The following SYT1 variants were observed in gnomAD, a reference collection of about 807,000 sequenced individuals.
The protein encoded by SYT1 is synaptotagmin 1, also known as synaptotagmin-1.
SYT1 carries 8 observed loss-of-function variants against 44.8 expected under a neutral mutation model. That is an observed-to-expected ratio of 0.18 (90% CI 0.10 to 0.32). The LOEUF (loss-of-function observed/expected upper bound fraction) is 0.32, where lower values mean the gene tolerates loss of function less well. Among genes scored for constraint, SYT1 ranks in the 10% least tolerant of loss-of-function variants. The probability of loss-of-function intolerance (pLI) is 1.00; values close to 1 mark genes in which losing one functional copy is unlikely to be tolerated. For synonymous variants in SYT1, 154 were observed against 188.8 expected (o/e 0.82, Z 1.51); for missense variants, 286 against 509.3 (o/e 0.56, Z 4.22).
At chr12:79,207,152 T>C (rs1388024033) in intron 3 of SYT1, among the ~76,000 whole-genome samples, 1 of 152,166 alleles carries the variant, frequency 6.6e-6, no homozygotes, top group Non-Finnish European at 1.5e-5. Flanking sequence ...TACACATTCC[T>C]CCTCAAATTT....
At chr12:79,315,480 C>G (rs1881036581) in intron 8 of SYT1, among the ~76,000 whole-genome samples, 1 of 152,150 alleles carries the variant, frequency 6.6e-6, no homozygotes, top group African/African-American at 2.4e-5. Flanking sequence ...GCCTCATAAC[C>G]TGTGGATCAC....
chr12:79,191,344 A>G (rs1050688294), intron 3 of SYT1, among the ~76,000 whole-genome samples: 2 of 152,042 alleles, frequency 1.3e-5, no homozygotes, highest in African/African-American at 4.8e-5. Flanking sequence ...TTTCCTCATT[A>G]AGTTTAACTT....
intron 2 of SYT1, among the ~76,000 whole-genome samples, chr12:79,017,507 T>A (rs12322843): frequency 0.038 from 5,856 of 152,158 alleles, 137 homozygotes; most frequent in Middle Eastern, 0.079. Flanking sequence ...TTTCAAAGTA[T>A]TTTATTTACC....
intron 3 of SYT1, among the ~76,000 whole-genome samples, chr12:79,063,202 T>C (rs1875517442): frequency 6.6e-6 from 1 of 152,212 alleles, no homozygotes; most frequent in Admixed American, 6.5e-5. Context: ...TGCTGAAATA[T>C]GACCCTTTGT....
chr12:78,892,364 T>C (rs1044209960), intron 1 of SYT1, among the ~76,000 whole-genome samples: 8 of 151,892 alleles, frequency 5.3e-5, no homozygotes, highest in Non-Finnish European at 1.0e-4. Context: ...ACTCAGAAAT[T>C]AGCTTAGTCA....
At chr12:79,172,687 A>G (rs1251984775) in intron 3 of SYT1, among the ~76,000 whole-genome samples, 5 of 151,724 alleles carry the variant, frequency 3.3e-5, no homozygotes, top group African/African-American at 7.3e-5. Flanking sequence ...AGATTTGTCA[A>G]TTTTCTAGTG....
chr12:79,432,387 C>A (rs1043611683), intron 9 of SYT1, among the ~76,000 whole-genome samples: 4 of 151,740 alleles, frequency 2.6e-5, no homozygotes, highest in Non-Finnish European at 5.9e-5. Flanking sequence ...CAAGAGGCCC[C>A]GGTGTGTGAT....
intron 3 of SYT1, among the ~76,000 whole-genome samples, chr12:79,205,711 T>C (rs546298674): frequency 3.3e-5 from 5 of 152,316 alleles, no homozygotes; most frequent in African/African-American, 1.2e-4. Flanking sequence ...ATTCTTTTAT[T>C]CTCAATAATA....
At chr12:79,366,639 C>G (rs1378712766) in intron 9 of SYT1, among the ~76,000 whole-genome samples, 1 of 152,178 alleles carries the variant, frequency 6.6e-6, no homozygotes, top group African/African-American at 2.4e-5. Flanking sequence ...AGCAACTGGC[C>G]CTGGAAAGCC....
At chr12:79,401,808 T>C (rs907826085) in intron 9 of SYT1, among the ~76,000 whole-genome samples, 2 of 151,960 alleles carry the variant, frequency 1.3e-5, no homozygotes, top group African/African-American at 4.8e-5. Flanking sequence ...TAGCTAGGAC[T>C]ACAGGCAGGA....
At chr12:78,969,203 G>A (rs376128474) in intron 1 of SYT1, among the ~76,000 whole-genome samples, 1 of 152,116 alleles carries the variant, frequency 6.6e-6, no homozygotes, top group Non-Finnish European at 1.5e-5. Context: ...GAAGATGTAC[G>A]TAGGTTATAT....
chr12:78,876,988 G>C (rs111825737), intron 1 of SYT1, among the ~76,000 whole-genome samples: 1,564 of 90,190 alleles, frequency 0.017, 24 homozygotes, highest in African/African-American at 0.061. Flanking sequence ...TCTAGTAAAT[G>C]CCAGTTTTTC....
chr12:79,000,404 C>T (rs1870663506), intron 2 of SYT1, among the ~76,000 whole-genome samples: 1 of 151,324 alleles, frequency 6.6e-6, no homozygotes, highest in African/African-American at 2.4e-5. Context: ...AGCGATTCTC[C>T]TGCCTCAGCC....
intron 3 of SYT1, among the ~76,000 whole-genome samples, chr12:79,091,422 T>C (rs997993396): frequency 1.3e-5 from 2 of 151,996 alleles, no homozygotes; most frequent in African/African-American, 4.8e-5. Context: ...AAGTTAATAA[T>C]TGAAGCAGCA....
chr12:79,349,625 C>T (rs1882800556), intron 8 of SYT1, among the ~76,000 whole-genome samples: 1 of 152,088 alleles, frequency 6.6e-6, no homozygotes, highest in Admixed American at 6.5e-5. Flanking sequence ...AAAAAGTAGA[C>T]AAAATTGTCA....
intron 2 of SYT1, among the ~76,000 whole-genome samples, chr12:79,028,782 T>C (rs1346277896): frequency 6.6e-6 from 1 of 151,288 alleles, no homozygotes; most frequent in African/African-American, 2.4e-5. Flanking sequence ...ATAAGTATTA[T>C]AGTTGTATAA....
At chr12:79,426,375 T>C (rs1186021281) in intron 9 of SYT1, among the ~76,000 whole-genome samples, 2 of 152,178 alleles carry the variant, frequency 1.3e-5, no homozygotes, top group African/African-American at 2.4e-5. Context: ...TCTAACCTTA[T>C]TCATACCACA....
At chr12:79,220,452 T>C (rs1165027268) in intron 4 of SYT1, among the ~76,000 whole-genome samples, 4 of 151,988 alleles carry the variant, frequency 2.6e-5, no homozygotes, top group Non-Finnish European at 5.9e-5. Context: ...CTTTACTAAA[T>C]TTGAGCTTAG....
At chr12:78,882,924 T>C (rs1407073309) in intron 1 of SYT1, among the ~76,000 whole-genome samples, 1 of 151,696 alleles carries the variant, frequency 6.6e-6, no homozygotes, top group Admixed American at 6.6e-5. Context: ...GTCTGTGATC[T>C]TACATCCTCT....
Sources: gnomAD v4.1 joint callset for allele counts (sites outside exome capture counted in the v4.1 genomes callset) on GRCh38, gnomAD v4.1.1 for gene constraint, MANE v1.5 for transcripts, NCBI Gene and HGNC (gene_info 2026-07-23, HGNC 2026-07-21) for gene names.